PFKFB3: variants seen among roughly 807,000 people sequenced by gnomAD.
PFKFB3 encodes 6-phosphofructo-2-kinase/fructose-2,6-bisphosphatase 3.
PFKFB3 carries 33 observed loss-of-function variants against 68.0 expected under a neutral mutation model. The observed-to-expected ratio is 0.49, with a 90% CI of 0.37 to 0.65. PFKFB3 has a LOEUF of 0.65. Among genes scored for constraint, PFKFB3 ranks in the 30% least tolerant of loss-of-function variants. The pLI is 0.00. For synonymous variants in PFKFB3, 315 were observed against 288.2 expected, an observed-to-expected ratio of 1.09 and a Z score of -0.94; for missense variants, 586 against 712.2, an observed-to-expected ratio of 0.82 and a Z score of 2.02.
intron 1 of PFKFB3, among the ~76,000 whole-genome samples, chr10:6,210,364 G>GTTTTTTTTTTTTTTTTTTT (rs1375867755): frequency 1.7e-5 from 1 of 58,634 alleles, no homozygotes; most frequent in African/African-American, 4.1e-5. Flanking sequence ...TTGTTTTTTT[G>GTTTTTTTTTTTTTTTTTTT]TTTTTTTTTT....
chr10:6,165,927 C>G (rs117595424), intron 1 of PFKFB3, among the ~76,000 whole-genome samples: 1,590 of 151,410 alleles, frequency 0.011, 66 homozygotes, highest in East Asian at 0.098. Flanking sequence ...CGATTCTCTT[C>G]CCTCAGCCTC....
downstream of PFKFB3, among the ~76,000 whole-genome samples, chr10:6,236,651 T>G (rs978172512): frequency 2.0e-5 from 3 of 152,232 alleles, no homozygotes; most frequent in Admixed American, 6.5e-5. Context: ...TGAGCCACGT[T>G]TGATGGCGTG....
Position 6,216,770 on chromosome 10 carries a change from A to T in PFKFB3, c.431A>T (p.Asn144Ile). 6.2e-7 allele frequency: 1 copy of T among 1,613,024 alleles called. No individual in the cohort carries two copies. The highest frequency in any genetic ancestry group is 1.1e-5 in the South Asian group (1 of 91,064). ...RHMILHFAKE[N>I]DFKAFFIESV... ...ATGATCCTTCATTTTGCCAAAGAAA[A>T]TGACTTTAAGGTGAGCTGAGCGTCT... Residue 144 changes from asparagine (N) to isoleucine (I), a missense_variant, in exon 5 of 15, where the codon AAT (asparagine) becomes ATT (isoleucine). Coordinates refer to ENST00000379775, the MANE Select transcript of PFKFB3 (RefSeq NM_004566.4).
intron 1 of PFKFB3, among the ~76,000 whole-genome samples, chr10:6,206,916 G>A (rs201360798): frequency 1.8e-3 from 248 of 139,128 alleles, no homozygotes; most frequent in Middle Eastern, 0.011. Flanking sequence ...CATCCCAGAC[G>A]ATGGGCGGCC....
Position 6,224,156 on chromosome 10 carries a change from T to C in PFKFB3, c.1284T>C (p.Arg428=), listed in dbSNP as rs1339183231. 1.9e-6 allele frequency: 3 copies of C among 1,614,120 alleles called. No individual in the cohort carries two copies. The highest frequency in any genetic ancestry group is 4.5e-5 in the East Asian group (2 of 44,878). The stretch of plus-strand genomic sequence containing the variant: ...CCATCCCACGCCCTCCAGGCTGCCG[T>C]GTGGAATCCATCTACCTGAACGTGG... ...LKLTPVAYGC[R]VESIYLNVES... The change falls in exon 13 of 15, where the codon CGT becomes CGC. Residue 428 remains arginine (R), a synonymous_variant. Coordinates refer to ENST00000379775, the MANE Select transcript of PFKFB3 (RefSeq NM_004566.4).
At chr10:6,254,111 T>TG in intron 14 of PFKFB3, 1 of 387,422 alleles carries the variant, frequency 2.6e-6, no homozygotes, top group East Asian at 3.7e-5. Flanking sequence ...TTTTTTTTTT[T>TG]TTTTCTCTTT....
chr10:6,225,216 G>T (rs1005965578), intron 13 of PFKFB3: 1 of 456,168 alleles, frequency 2.2e-6, no homozygotes, highest in Non-Finnish European at 4.4e-6. Context: ...CTTAGACCGA[G>T]CGTGACTTTC....
intron 14 of PFKFB3, among the ~76,000 whole-genome samples, chr10:6,242,562 C>G (rs767417530): frequency 6.6e-6 from 1 of 151,966 alleles, no homozygotes; most frequent in Admixed American, 6.6e-5. Flanking sequence ...CTGTTCCCAC[C>G]GTAGTGCCCT....
chr10:6,188,851 T>A (rs1842942204), intron 1 of PFKFB3, among the ~76,000 whole-genome samples: 1 of 82,006 alleles, frequency 1.2e-5, no homozygotes, highest in South Asian at 3.8e-4. Context: ...TTTTTTTTTT[T>A]TTAGACGGAG....
In PFKFB3 at chr10:6,228,330, T is replaced by G; in HGVS notation, c.1515+1965T>G. 1 of 1,181,516 alleles carries G rather than the reference T, an allele frequency of 8.5e-7. No homozygotes were observed. Among genetic ancestry groups the G allele is most frequent in the Non-Finnish European group, 1.3e-6 (1 of 792,334 alleles). The allele number at this position is 1,181,516 out of a possible 1,614,324, so 73.2% of individuals were successfully genotyped here. The stretch of plus-strand genomic sequence containing the variant: ...ATGAGAGCAGTTTTGTGATGTGAGG[T>G]CTTCCGTGGGGGAAGGAGGAGATGG... On this transcript the variant is annotated intron_variant, in intron 14 of 14. Transcript: ENST00000379775. This position sits in a 1 kb window ranked among gnomAD's most constrained non-coding sequence, Gnocchi z 4.5.
At chr10:6,221,186 A>G (rs372602546) in intron 8 of PFKFB3, among the ~76,000 whole-genome samples, 195 bp from the exon 9 acceptor site, 1 of 152,084 alleles carries the variant, frequency 6.6e-6, no homozygotes, top group East Asian at 1.9e-4. Context: ...GTTGTGCACT[A>G]GGAAGGGAAG....
At chr10:6,224,048 TC>T (rs1158781955) in intron 12 of PFKFB3, 28 bp downstream of exon 12, 1 of 1,613,676 alleles carries the variant, frequency 6.2e-7, no homozygotes, top group South Asian at 1.1e-5. Flanking sequence ...CCAAGCCCTG[TC>T]CCCCTGAAGG....
chr10:6,203,164 C>G lies in PFKFB3; in HGVS notation c.-97C>G. 1 of 1,525,156 alleles carries G rather than the reference C, an allele frequency of 6.6e-7. No homozygotes were observed. The highest frequency in any genetic ancestry group is 8.8e-7 in the Non-Finnish European group (1 of 1,138,274). 94.5% of individuals were successfully genotyped at this position (1,525,156 alleles called of 1,614,324 possible). ...CGCCCGGCCGCGCGCCGGCGCACGC[C>G]CCCCTCTCCTCCTTTGTTCCGGGGG... is the stretch of plus-strand genomic sequence containing the variant. On this transcript the variant is annotated 5_prime_UTR_variant, in exon 1 of 15. Coordinates refer to ENST00000379775, the MANE Select transcript of PFKFB3 (RefSeq NM_004566.4).
the PFKFB3 span, among the ~76,000 whole-genome samples, chr10:6,269,023 CAAAAAAAAAAA>C: frequency 1.1e-5 from 1 of 93,206 alleles, no homozygotes; most frequent in Non-Finnish European, 2.1e-5. Context: ...GATCCTGTCT[CAAAAAAAAAAA>C]AAAAAAAAAA....
intron 1 of PFKFB3, chr10:6,146,610 G>T: frequency 9.1e-7 from 1 of 1,098,030 alleles, no homozygotes; most frequent in Non-Finnish European, 1.3e-6. Context: ...CATCGCTTCT[G>T]CCCACTTTTG....
intron 14 of PFKFB3, among the ~76,000 whole-genome samples, chr10:6,247,022 G>T (rs10906079): frequency 6.6e-6 from 1 of 152,100 alleles, no homozygotes; most frequent in Non-Finnish European, 1.5e-5. Context: ...AGTCCCAAAC[G>T]AAGTCAGATG....
chr10:6,183,586 C>T (rs1167247971), intron 1 of PFKFB3, among the ~76,000 whole-genome samples: 3 of 109,656 alleles, frequency 2.7e-5, no homozygotes, highest in African/African-American at 7.4e-5. Context: ...GTCAGGAGTT[C>T]GAGACCAGCC....
chr10:6,162,441 T>C (rs1023947001), intron 1 of PFKFB3, among the ~76,000 whole-genome samples: 1 of 152,242 alleles, frequency 6.6e-6, no homozygotes, highest in African/African-American at 2.4e-5. Context: ...CATCTATTGA[T>C]GATTCTTGAG....
chr10:6,161,525 CATAG>C (rs1299250339), intron 1 of PFKFB3, among the ~76,000 whole-genome samples: 6 of 150,686 alleles, frequency 4.0e-5, no homozygotes, highest in Non-Finnish European at 8.8e-5. Flanking sequence ...GTCCTTGAGT[CATAG>C]ATATATACAC....
Sources: gnomAD v4.1 joint callset for allele counts (sites outside exome capture counted in the v4.1 genomes callset) on GRCh38, gnomAD v4.1.1 for gene constraint, Gnocchi (gnomAD v3.1) non-coding constraint, MANE v1.5 for transcripts, NCBI Gene and HGNC (gene_info 2026-07-23, HGNC 2026-07-21) for gene names.